YIPF3: variants seen among roughly 807,000 people sequenced by gnomAD.
The protein encoded by YIPF3 is protein YIPF3.
Under a neutral mutation model 40.3 loss-of-function variants are expected in YIPF3, and 18 were observed. The observed-to-expected ratio is 0.45, with a 90% CI of 0.31 to 0.66. YIPF3 has a LOEUF of 0.66. YIPF3 is among the 30% of genes least tolerant of loss of function. YIPF3 has a pLI of 0.07. For synonymous variants in YIPF3, 190 were observed against 179.6 expected (o/e 1.06, Z -0.46); for missense variants, 406 against 452.2 (o/e 0.90, Z 0.93).
chr6:43,512,242 G>A lies in YIPF3; in HGVS notation c.978C>T (p.Leu326=). ...QRVPRDIPAM[L]PAARLPTTVL... ...CGGTGGTGGGAAGCCGAGCAGCAGG[G>A]AGCATGGCAGGGATGTCTCTGGGGA... The change falls in exon 9 of 9, where the codon CTC becomes CTT. Residue 326 remains leucine, a synonymous_variant. Coordinates refer to ENST00000372422, the MANE Select transcript of YIPF3 (RefSeq NM_015388.4). 2 of 1,614,036 alleles carry A rather than the reference G, an allele frequency of 1.2e-6. No homozygotes were observed. The highest frequency in any genetic ancestry group is 8.5e-7 in the Non-Finnish European group (1 of 1,179,924).
intron 3 of YIPF3, among the ~76,000 whole-genome samples, chr6:43,514,448 AAT>A (rs1422117803): frequency 2.6e-5 from 4 of 152,198 alleles, no homozygotes; most frequent in Non-Finnish European, 5.9e-5. Context: ...TTTCTTGAAA[AAT>A]ATATGTGAAG....
chr6:43,516,224 G>T, intron 1 of YIPF3, 129 bp from the exon 2 acceptor site: 2 of 1,497,998 alleles, frequency 1.3e-6, no homozygotes, highest in Non-Finnish European at 8.9e-7. Context: ...TACAGATCAT[G>T]CCACTCCATT....
intron 3 of YIPF3, 144 bp from the exon 4 acceptor site, chr6:43,513,777 T>A: frequency 1.4e-6 from 1 of 709,782 alleles, no homozygotes; most frequent in Non-Finnish European, 2.2e-6. Flanking sequence ...TAGAACAGGG[T>A]AGTAAAGACA....
chr6:43,512,999 G>A, intron 6 of YIPF3, 70 bp downstream of exon 6: 4 of 1,602,418 alleles, frequency 2.5e-6, no homozygotes, highest in Non-Finnish European at 3.4e-6. Flanking sequence ...TGGGGCCCCA[G>A]GACAGATGCC....
intron 3 of YIPF3, chr6:43,515,383 G>T: frequency 1.5e-6 from 1 of 659,144 alleles, no homozygotes; most frequent in Non-Finnish European, 2.8e-6. Flanking sequence ...ATCTGAGGTA[G>T]GTTTTGAGGG....
At chr6:43,513,236 C>G in intron 5 of YIPF3, 36 bp from the exon 6 acceptor site, 1 of 1,613,772 alleles carries the variant, frequency 6.2e-7, no homozygotes, top group Non-Finnish European at 8.5e-7. Context: ...CCTAGGAGGC[C>G]TCTGATCTCA....
Position 43,513,458 on chromosome 6 carries a change from A to C in YIPF3, c.442-7T>G. The stretch of plus-strand genomic sequence containing the variant: ...AGAGTTCACCTGCAATTTTCTGTCA[A>C]TATACCAATTCATTCAGGCTGGAGG... On this transcript the variant is annotated splice_region_variant and splice_polypyrimidine_tract_variant and intron_variant, in intron 4 of 8. Coordinates refer to ENST00000372422, the MANE Select transcript of YIPF3 (RefSeq NM_015388.4). The C allele has an allele frequency of 6.2e-7, 1 of 1,614,162 alleles. No individual in the cohort carries two copies. The highest frequency in any genetic ancestry group is 8.5e-7 in the Non-Finnish European group (1 of 1,180,000).
rs953576239 is a variant in YIPF3, at chr6:43,512,983, A to G, written c.666+86T>C. 1.8e-5 allele frequency: 29 copies of G among 1,594,906 alleles called. No homozygotes were observed. The African/African-American group carries it at 3.6e-4, about 20-fold the overall frequency. ...TCCATTGGCCTACTCCTCCCATTCC[A>G]GGCTTTGGGGCCCCAGGACAGATGC... On this transcript the variant is annotated intron_variant, in intron 6 of 8. Coordinates refer to ENST00000372422, the MANE Select transcript of YIPF3 (RefSeq NM_015388.4).
At chr6:43,515,804 G>C in intron 2 of YIPF3, 85 bp downstream of exon 2, 1 of 1,596,612 alleles carries the variant, frequency 6.3e-7, no homozygotes, top group Non-Finnish European at 8.6e-7. Context: ...GGACAACCTG[G>C]GGCGAACATC....
At chr6:43,514,975 T>G (rs1161875664) in intron 3 of YIPF3, among the ~76,000 whole-genome samples, 2 of 151,814 alleles carry the variant, frequency 1.3e-5, no homozygotes, top group Admixed American at 6.6e-5. Context: ...TGCTGTCTAT[T>G]AGAGGCAAGC....
At position 43,512,076 on chromosome 6, in the gene YIPF3, C is replaced by G; in HGVS notation, c.*91G>C. 3 of 1,565,092 alleles carry G rather than the reference C, an allele frequency of 1.9e-6. No homozygotes were observed. The highest frequency in any genetic ancestry group is 2.6e-6 in the Non-Finnish European group (3 of 1,152,312). ...GCTCAGTGGCAGCTGCAAACCCCATCTACGAAACATGTCATCAGGACTGTC... is the reference window on the plus strand; with the variant it reads ...GCTCAGTGGCAGCTGCAAACCCCATGTACGAAACATGTCATCAGGACTGTC... On this transcript the variant is annotated 3_prime_UTR_variant, in exon 9 of 9. Transcript: ENST00000372422.
chr6:43,513,703 A>T (rs1792717252), intron 3 of YIPF3, 70 bp from the exon 4 acceptor site: 22 of 1,436,706 alleles, frequency 1.5e-5, no homozygotes, highest in Non-Finnish European at 2.1e-5. Context: ...GCAAGGCCTG[A>T]ATTTTATTCA....
chr6:43,515,785 G>A lies in YIPF3; in HGVS notation c.289-84C>T, dbSNP rs565328579. ...CTATTTTCCGTTTGATTTCTACATG[G>A]TTCTAACTGGACAACCTGGGGCGAA... On this transcript the variant is annotated intron_variant, in intron 2 of 8. Coordinates refer to ENST00000372422, the MANE Select transcript of YIPF3 (RefSeq NM_015388.4). 1.3e-5 allele frequency: 21 copies of A among 1,602,188 alleles called. No individual in the cohort carries two copies. In the South Asian group the frequency reaches 2.1e-4, roughly 16 times the overall value.
Position 43,512,530 on chromosome 6 carries a change from T to C in YIPF3, c.814A>G (p.Thr272Ala), listed in dbSNP as rs1471754736. ...AVLVSRTVGP[T>A]QRLLLCGTLA... ...GTGCCACAGAGGAGCAGCCGCTGTG[T>C]GGGGCCCACGGTCCGAGACACCAAC... Residue 272 changes from threonine to alanine, a missense_variant, in exon 8 of 9, where the codon ACA (threonine) becomes GCA (alanine). Thr to Ala is a moderately conservative substitution (Grantham distance 58). Coordinates refer to ENST00000372422, the MANE Select transcript of YIPF3 (RefSeq NM_015388.4). 2.5e-6 allele frequency: 4 copies of C among 1,612,564 alleles called. No individual in the cohort carries two copies. Among genetic ancestry groups the C allele is most frequent in the Non-Finnish European group, 3.4e-6 (4 of 1,179,904 alleles).
chr6:43,513,764 C>A, intron 3 of YIPF3, 131 bp from the exon 4 acceptor site: 1 of 843,312 alleles, frequency 1.2e-6, no homozygotes. Context: ...TTGGATGACA[C>A]GGTAGAACAG....
intron 3 of YIPF3, chr6:43,515,162 T>G (rs1301967849): frequency 2.5e-6 from 1 of 394,194 alleles, no homozygotes; most frequent in South Asian, 1.8e-5. Context: ...GTCTAATTTT[T>G]TTTGCATTTT....
rs376483707 is a variant in YIPF3, at chr6:43,512,349, A to C, written c.905-34T>G. ...AAGATGGAAGGTGAGCGAGGATCAG[A>C]TGGGCCCAGCCCACCAGCCATCATA... On this transcript the variant is annotated intron_variant, in intron 8 of 8. Transcript: ENST00000372422. 70 of 1,612,818 alleles carry C rather than the reference A, an allele frequency of 4.3e-5. No homozygotes were observed. In the East Asian group the frequency reaches 8.9e-4, roughly 21 times the overall value.
intron 1 of YIPF3, 130 bp downstream of exon 1, chr6:43,516,597 T>A: frequency 9.3e-7 from 1 of 1,074,576 alleles, no homozygotes; most frequent in Non-Finnish European, 1.4e-6. Flanking sequence ...GACTTTAGTG[T>A]GCACGAAGAC....
intron 3 of YIPF3, among the ~76,000 whole-genome samples, chr6:43,514,411 T>C (rs749350903): frequency 7.2e-5 from 11 of 152,266 alleles, no homozygotes; most frequent in Non-Finnish European, 1.3e-4. Context: ...TTCCTGCTTA[T>C]CTGTGCCTCC....
Sources: allele counts gnomAD v4.1 joint callset (sites outside exome capture counted in the v4.1 genomes callset), GRCh38; gene constraint gnomAD v4.1.1; transcripts MANE v1.5; gene names NCBI Gene and HGNC (gene_info 2026-07-23, HGNC 2026-07-21).